Variants in ZFP41 observed in about 807,000 individuals in gnomAD.
ZFP41 encodes the protein ZFP41 zinc finger protein.
ZFP41 carries 10 observed loss-of-function variants against 11.6 expected under a neutral mutation model. The observed-to-expected ratio is 0.86, with a 90% CI of 0.53 to 1.47. The LOEUF is 1.47. Among genes scored for constraint, ZFP41 ranks in the 40% most tolerant of loss-of-function variants. The pLI is 0.00. For missense variants in ZFP41, 302 were observed against 264.6 expected (o/e 1.14, Z -0.98); for synonymous variants, 123 against 100.9 (o/e 1.22, Z -1.31).
At chr8:143,248,687 C>T (rs1279605493) in intron 1 of ZFP41, among the ~76,000 whole-genome samples, 2 of 57,734 alleles carry the variant, frequency 3.5e-5, no homozygotes, top group Non-Finnish European at 9.5e-5. Context: ...GGCACCAGGG[C>T]CCACCCCCTG....
At chr8:143,256,577 A>G (rs1366162769) in intron 2 of ZFP41, among the ~76,000 whole-genome samples, 1 of 152,228 alleles carries the variant, frequency 6.6e-6, no homozygotes, top group Non-Finnish European at 1.5e-5. Context: ...ATGGAAAACA[A>G]CAAAAGATAC....
chr8:143,250,276 T>C lies in ZFP41; in HGVS notation c.433T>C (p.Cys145Arg), dbSNP rs765354591. 6.2e-7 allele frequency: 1 copy of C among 1,613,992 alleles called. No homozygotes were observed. Among genetic ancestry groups the C allele is most frequent in the South Asian group, 1.1e-5 (1 of 91,068 alleles). Residue 145 changes from cysteine to arginine, a missense_variant, in exon 2 of 3, where the codon TGC becomes CGC. Cys to Arg is a radical substitution (Grantham distance 180). Coordinates refer to ENST00000330701, the MANE Select transcript of ZFP41 (RefSeq NM_173832.6). ...TCACACGGGAGAGAAGCCCTTCAAA[T>C]GCGGGGAGTGCGGGAAAGCCTTTAA... ...RTHTGEKPFK[C>R]GECGKAFNCG...
intron 2 of ZFP41, among the ~76,000 whole-genome samples, chr8:143,254,357 T>C (rs1350530440): frequency 6.6e-6 from 1 of 152,198 alleles, no homozygotes; most frequent in Non-Finnish European, 1.5e-5. Context: ...TTAGTGTCCT[T>C]CAGAATTAGC....
Position 143,247,056 on chromosome 8 carries a change from C to T in ZFP41, c.-241C>T, listed in dbSNP as rs1377688801. 1 of 152,550 alleles carries T rather than the reference C, an allele frequency of 6.6e-6. No homozygotes were observed. The highest frequency in any genetic ancestry group is 2.4e-5 in the African/African-American group (1 of 41,446). 9.4% of individuals were successfully genotyped at this position (152,550 alleles called of 1,614,324 possible). On this transcript the variant is annotated 5_prime_UTR_variant, in exon 1 of 3. Coordinates refer to ENST00000330701, the MANE Select transcript of ZFP41 (RefSeq NM_173832.6). ...CGGCCCCCGCGAGGGGCGCGCGCCT[C>T]TCCCCGCCCTCCAGCAGTCCTGGTA...
chr8:143,250,473 T>C lies in ZFP41; in HGVS notation c.*33T>C, dbSNP rs999503213. The C allele has an allele frequency of 6.3e-7, 1 of 1,589,896 alleles. No homozygotes were observed. The highest frequency in any genetic ancestry group is 8.6e-7 in the Non-Finnish European group (1 of 1,167,494). ...CCATCTGCGGACTCGGGCCCTGCGG[T>C]GCGAGCCTCGCCGGACACCTGCTCC... is the stretch of plus-strand genomic sequence containing the variant. On this transcript the variant is annotated 3_prime_UTR_variant, in exon 2 of 3. Coordinates refer to ENST00000330701, the MANE Select transcript of ZFP41 (RefSeq NM_173832.6).
Position 143,249,742 on chromosome 8 carries a change from C to T in ZFP41, c.-102C>T. ...CCTGGTGCAGAGCATCAGTCCCACG[C>T]TGGGAGTGTGGAGAGGTGCGTGGGA... On this transcript the variant is annotated 5_prime_UTR_variant, in exon 2 of 3. Coordinates refer to ENST00000330701, the MANE Select transcript of ZFP41 (RefSeq NM_173832.6). The T allele has an allele frequency of 6.8e-7, 1 of 1,480,784 alleles. No homozygotes were observed. Among genetic ancestry groups the T allele is most frequent in the South Asian group, 1.5e-5 (1 of 68,464 alleles). 91.7% of individuals were successfully genotyped at this position (1,480,784 alleles called of 1,614,324 possible).
At chr8:143,249,288 C>T (rs766087312) in intron 1 of ZFP41, 2 of 152,918 alleles carry the variant, frequency 1.3e-5, no homozygotes, top group South Asian at 4.1e-4. Context: ...GATGGAAGCA[C>T]TCTCCACTGG....
At position 143,250,012 on chromosome 8, in the gene ZFP41, G is replaced by A. The variant is rs1319458892; in HGVS notation, c.169G>A (p.Glu57Lys). Residue 57 changes from glutamate to lysine, a missense_variant, in exon 2 of 3, where the codon GAA (glutamate) becomes AAA (lysine). Coordinates refer to ENST00000330701, the MANE Select transcript of ZFP41 (RefSeq NM_173832.6). ...RTEPCLSPED[E>K]EHVFDAFDAS... ...AGAGCCCTGCCTGAGTCCTGAAGAC[G>A]AAGAGCACGTCTTTGATGCCTTCGA... The A allele has an allele frequency of 1.3e-5, 21 of 1,614,046 alleles. No homozygotes were observed. The highest frequency in any genetic ancestry group is 6.7e-5 in the African/African-American group (5 of 74,926).
At chr8:143,256,170 G>T (rs879811110) in intron 2 of ZFP41, among the ~76,000 whole-genome samples, 1 of 109,184 alleles carries the variant, frequency 9.2e-6, no homozygotes, top group Admixed American at 9.0e-5. Context: ...ATCAGGGCTC[G>T]CCCCGCGTGC....
chr8:143,253,079 G>C (rs1563727504), intron 2 of ZFP41: 1 of 152,310 alleles, frequency 6.6e-6, no homozygotes, highest in African/African-American at 2.4e-5. Context: ...TCCTGGATCG[G>C]AAGAGTTGCT....
Position 143,249,769 on chromosome 8 carries a change from G to C in ZFP41, c.-75G>C. ...GGGAGTGTGGAGAGGTGCGTGGGAA[G>C]CAAGCCATTGAGGAAGTGGGGCCAA... On this transcript the variant is annotated 5_prime_UTR_variant, in exon 2 of 3. Coordinates refer to ENST00000330701, the MANE Select transcript of ZFP41 (RefSeq NM_173832.6). The C allele has an allele frequency of 6.6e-7, 1 of 1,507,246 alleles. No individual in the cohort carries two copies. The highest frequency in any genetic ancestry group is 8.8e-7 in the Non-Finnish European group (1 of 1,133,394). 93.4% of individuals were successfully genotyped at this position (1,507,246 alleles called of 1,614,324 possible). A position where few individuals can be genotyped will look rare whatever the true frequency, so the allele number is the denominator to read the frequency against.
chr8:143,258,076 A>G (rs1814953931), intron 2 of ZFP41, among the ~76,000 whole-genome samples: 1 of 152,236 alleles, frequency 6.6e-6, no homozygotes, highest in Non-Finnish European at 1.5e-5. Context: ...CTGTCATCCC[A>G]GCACATTGGG....
Position 143,250,105 on chromosome 8 carries a change from G to A in ZFP41, c.262G>A (p.Glu88Lys). Residue 88 changes from glutamate (E) to lysine (K), a missense_variant, in exon 2 of 3, where the codon GAG (glutamate) becomes AAG (lysine). Transcript: ENST00000330701. ...FIPFQRKKPY[E>K]CSECGRIFKH... The stretch of plus-strand genomic sequence containing the variant: ...TCCTTTTCAGAGGAAGAAACCCTAT[G>A]AGTGCAGTGAGTGTGGGCGGATCTT... The A allele has an allele frequency of 1.2e-6, 2 of 1,614,198 alleles. No homozygotes were observed. Among genetic ancestry groups the A allele is most frequent in the Non-Finnish European group, 1.7e-6 (2 of 1,180,038 alleles).
chr8:143,258,055 G>A (rs781138280), intron 2 of ZFP41, among the ~76,000 whole-genome samples: 4 of 152,232 alleles, frequency 2.6e-5, no homozygotes, highest in Non-Finnish European at 4.4e-5. Context: ...GCCAGGCACG[G>A]TGGCTCATTC....
rs759933821 is a variant in ZFP41 at position 143,250,269 on chromosome 8, C to T, written c.426C>T (p.Pro142=). ...AGAGGACTCACACGGGAGAGAAGCC[C>T]TTCAAATGCGGGGAGTGCGGGAAAG... ...KHQRTHTGEK[P]FKCGECGKAF... The change falls in exon 2 of 3, where the codon CCC becomes CCT. Residue 142 remains proline (P), a synonymous_variant. Transcript: ENST00000330701. The T allele has an allele frequency of 6.2e-7, 1 of 1,614,084 alleles. No individual in the cohort carries two copies. The highest frequency in any genetic ancestry group is 2.2e-5 in the East Asian group (1 of 44,876).
At chr8:143,255,030 C>T (rs1284639785) in intron 2 of ZFP41, among the ~76,000 whole-genome samples, 1 of 152,176 alleles carries the variant, frequency 6.6e-6, no homozygotes, top group Non-Finnish European at 1.5e-5. Flanking sequence ...GGATTGACAT[C>T]TCACCAAATG....
chr8:143,258,380 C>T (rs998047755), intron 2 of ZFP41, among the ~76,000 whole-genome samples: 3 of 152,184 alleles, frequency 2.0e-5, no homozygotes, highest in African/African-American at 7.2e-5. Context: ...TCCTCCCTTC[C>T]TGTGACTGAG....
intron 2 of ZFP41, chr8:143,252,641 G>C (rs1814800028): frequency 1.0e-6 from 1 of 985,176 alleles, no homozygotes; most frequent in Non-Finnish European, 1.2e-6. Context: ...GGTCCCAATG[G>C]GGGTAGGTAG....
At chr8:143,249,535 G>T in intron 1 of ZFP41, 155 bp from the exon 2 acceptor site, 2 of 269,670 alleles carry the variant, frequency 7.4e-6, no homozygotes, top group Non-Finnish European at 1.4e-5. Flanking sequence ...ACAAGGAAAG[G>T]CCGGGAGAGA....
Sources: gnomAD v4.1 joint callset for allele counts (sites outside exome capture counted in the v4.1 genomes callset) on GRCh38, gnomAD v4.1.1 for gene constraint, MANE v1.5 for transcripts, NCBI Gene and HGNC (gene_info 2026-07-23, HGNC 2026-07-21) for gene names.